GARIN1B: variants seen among roughly 807,000 people sequenced by gnomAD.
GARIN1B encodes the protein golgi associated RAB2 interactor 1B.
At chr7:128,715,228 C>G in the GARIN1B span, 2 of 985,154 alleles carry the variant, frequency 2.0e-6, no homozygotes, top group African/African-American at 3.5e-5. Flanking sequence ...TGGGGAATGT[C>G]CAGGCACGGA....
At chr7:128,730,311 T>C in the GARIN1B span, among the ~76,000 whole-genome samples, 1 of 152,164 alleles carries the variant, frequency 6.6e-6, no homozygotes, top group Admixed American at 6.5e-5. Context: ...CTGCTTTCTC[T>C]TGCTGTATGG....
chr7:128,717,075 T>A, the GARIN1B span: 2 of 1,304,472 alleles, frequency 1.5e-6, no homozygotes, highest in Non-Finnish European at 2.1e-6. Flanking sequence ...ACTACTAAAC[T>A]CAAGGAGAAG....
At chr7:128,719,130 G>T in the GARIN1B span, 1 of 1,591,988 alleles carries the variant, frequency 6.3e-7, no homozygotes, top group Non-Finnish European at 8.6e-7. Context: ...AAAGCAGCAA[G>T]GTAGAGCTTA....
chr7:128,724,891 A>G, the GARIN1B span: 1 of 1,284,958 alleles, frequency 7.8e-7, no homozygotes, highest in South Asian at 1.2e-5. Context: ...AGAGCTCGCA[A>G]AGACATGGGC....
At chr7:128,717,529 C>G in the GARIN1B span, among the ~76,000 whole-genome samples, 6 of 150,962 alleles carry the variant, frequency 4.0e-5, no homozygotes, top group African/African-American at 1.2e-4. Context: ...TCACTGCAAC[C>G]TCTGCCTCAC....
At chr7:128,714,106 A>G in the GARIN1B span, 3 of 1,535,974 alleles carry the variant, frequency 2.0e-6, no homozygotes, top group Non-Finnish European at 2.6e-6. Flanking sequence ...CTGAATGACC[A>G]GAGGGAAGGA....
the GARIN1B span, chr7:128,716,711 C>T: frequency 6.1e-6 from 6 of 991,150 alleles, no homozygotes; most frequent in African/African-American, 9.9e-5. Flanking sequence ...CAAAGAATAT[C>T]CAACCCAAAA....
chr7:128,719,797 T>C, the GARIN1B span, among the ~76,000 whole-genome samples: 2 of 143,578 alleles, frequency 1.4e-5, no homozygotes, highest in Non-Finnish European at 1.5e-5. Flanking sequence ...CCTCCCAGGC[T>C]CAAGTGATTC....
the GARIN1B span, among the ~76,000 whole-genome samples, chr7:128,719,631 T>C: frequency 6.6e-6 from 1 of 152,032 alleles, no homozygotes; most frequent in Non-Finnish European, 1.5e-5. Context: ...TTCATCCATA[T>C]TGTAGCATGG....
the GARIN1B span, chr7:128,715,514 C>T: frequency 6.2e-7 from 1 of 1,614,130 alleles, no homozygotes; most frequent in Non-Finnish European, 8.5e-7. Context: ...AAGATCCTAT[C>T]CAACCTTCCC....
the GARIN1B span, among the ~76,000 whole-genome samples, chr7:128,713,170 G>A: frequency 2.0e-5 from 3 of 152,076 alleles, no homozygotes; most frequent in African/African-American, 7.2e-5. Context: ...AGCCAGGCAT[G>A]GTGCTGCACG....
At chr7:128,727,587 C>T in the GARIN1B span, among the ~76,000 whole-genome samples, 3 of 152,324 alleles carry the variant, frequency 2.0e-5, no homozygotes, top group East Asian at 1.9e-4. Flanking sequence ...CCACTCAATT[C>T]GGCATGCATG....
chr7:128,730,127 G>A, the GARIN1B span: 1 of 1,569,408 alleles, frequency 6.4e-7, no homozygotes, highest in Non-Finnish European at 8.7e-7. Context: ...TTCAGCCTCA[G>A]GGCTGGGTCA....
At chr7:128,721,508 C>T in the GARIN1B span, among the ~76,000 whole-genome samples, 5 of 151,042 alleles carry the variant, frequency 3.3e-5, no homozygotes, top group Non-Finnish European at 7.4e-5. Flanking sequence ...TCTACATACA[C>T]ACACCACACA....
the GARIN1B span, among the ~76,000 whole-genome samples, chr7:128,711,366 C>T: frequency 6.6e-6 from 1 of 151,936 alleles, no homozygotes; most frequent in African/African-American, 2.4e-5. Flanking sequence ...GAAGGTAGGA[C>T]GTGGTGTGGG....
chr7:128,729,642 C>T, the GARIN1B span, among the ~76,000 whole-genome samples: 1 of 152,158 alleles, frequency 6.6e-6, no homozygotes, highest in African/African-American at 2.4e-5. Context: ...GTCTTGTTCA[C>T]GTGACATAGT....
At chr7:128,729,440 C>T in the GARIN1B span, among the ~76,000 whole-genome samples, 1 of 152,180 alleles carries the variant, frequency 6.6e-6, no homozygotes, top group Non-Finnish European at 1.5e-5. Context: ...CTAACATGCT[C>T]CCAGGTAATG....
the GARIN1B span, among the ~76,000 whole-genome samples, chr7:128,711,459 G>C: frequency 6.6e-6 from 1 of 151,994 alleles, no homozygotes; most frequent in African/African-American, 2.4e-5. Context: ...GAACATGCTT[G>C]GTCCTGTATT....
chr7:128,722,401 A>T, the GARIN1B span, among the ~76,000 whole-genome samples: 3,892 of 152,322 alleles, frequency 0.026, 160 homozygotes, highest in African/African-American at 0.088. Context: ...CATGGACAGC[A>T]TGCACAACTG....
Sources: allele counts gnomAD v4.1 joint callset (sites outside exome capture counted in the v4.1 genomes callset), GRCh38; gene constraint gnomAD v4.1.1; transcripts MANE v1.5; gene names NCBI Gene and HGNC (gene_info 2026-07-23, HGNC 2026-07-21).